COL6A2: variants seen among roughly 807,000 people sequenced by gnomAD.
The protein encoded by COL6A2 is collagen alpha-2(VI) chain.
Under a neutral mutation model 124.9 loss-of-function variants are expected in COL6A2, and 90 were observed. The observed-to-expected ratio is 0.72, with a 90% CI of 0.61 to 0.86. The LOEUF (loss-of-function observed/expected upper bound fraction) is 0.86. Among genes scored for constraint, COL6A2 ranks in the 40% least tolerant of loss-of-function variants. The pLI, the probability that COL6A2 is intolerant of heterozygous loss-of-function variation, is 0.00. For synonymous variants in COL6A2, 793 were observed against 618.2 expected, an observed-to-expected ratio of 1.28 and a Z score of -4.19; for missense variants, 1,607 against 1,502.5, an observed-to-expected ratio of 1.07 and a Z score of -1.15.
chr21:46,124,554 G>A, intron 21 of COL6A2, 97 bp from the exon 22 acceptor site: 2 of 1,129,170 alleles, frequency 1.8e-6, no homozygotes, highest in East Asian at 2.4e-5. Flanking sequence ...CCCCCGCCAA[G>A]GGAGGACCCG....
chr21:46,120,446 G>C lies in COL6A2; in HGVS notation c.1333-69G>C, dbSNP rs960040351. On this transcript the variant is annotated intron_variant, in intron 15 of 27. Transcript: ENST00000300527. ...CCTTCCCCAACCCCCGGCCACACCCGCCTCTCACATGGGACCCAGGCCGGA... is the reference window on the plus strand; with the variant it reads ...CCTTCCCCAACCCCCGGCCACACCCCCCTCTCACATGGGACCCAGGCCGGA... 2.3e-6 allele frequency: 3 copies of C among 1,298,384 alleles called. No individual in the cohort carries two copies. In the East Asian group the frequency reaches 7.7e-5, roughly 33 times the overall value. 80.4% of individuals were successfully genotyped at this position (1,298,384 alleles called of 1,614,324 possible). A position where few individuals can be genotyped will look rare whatever the true frequency, so the allele number is the denominator to read the frequency against.
chr21:46,112,608 G>T, intron 3 of COL6A2, 31 bp downstream of exon 3: 2 of 1,607,144 alleles, frequency 1.2e-6, no homozygotes, highest in South Asian at 2.2e-5. Flanking sequence ...CCGTCCACGC[G>T]CCAGGGGTGG....
chr21:46,098,541 C>G (rs1447781710), intron 1 of COL6A2, among the ~76,000 whole-genome samples: 2 of 151,284 alleles, frequency 1.3e-5, no homozygotes, highest in Non-Finnish European at 3.0e-5. Context: ...CGCCAGGCCC[C>G]GCGTCTGCGA....
At position 46,122,097 on chromosome 21, in the gene COL6A2, T is replaced by C; in HGVS notation, c.1522-11T>C. 6.2e-7 allele frequency: 1 copy of C among 1,612,438 alleles called. No individual in the cohort carries two copies. Among genetic ancestry groups the C allele is most frequent in the Non-Finnish European group, 8.5e-7 (1 of 1,179,870 alleles). On this transcript the variant is annotated splice_polypyrimidine_tract_variant and intron_variant, in intron 18 of 27. Transcript: ENST00000300527. Reference sequence around the variant, plus strand: ...TATGACCATGCTGACCGACTCAACGTCCTCCTCCAGGGAGACCCCGGCAGG... The same window carrying C: ...TATGACCATGCTGACCGACTCAACGCCCTCCTCCAGGGAGACCCCGGCAGG...
At chr21:46,119,923 C>T in intron 15 of COL6A2, 73 bp downstream of exon 15, 1 of 1,320,148 alleles carries the variant, frequency 7.6e-7, no homozygotes, top group Middle Eastern at 1.8e-4. Flanking sequence ...GGGCCCCAAC[C>T]CCATTCCTCC....
At chr21:46,129,276 A>G in intron 27 of COL6A2, 1 of 1,612,862 alleles carries the variant, frequency 6.2e-7, no homozygotes, top group South Asian at 1.1e-5. Flanking sequence ...CCCCAGGACC[A>G]TTCCCCTGAT....
intron 1 of COL6A2, among the ~76,000 whole-genome samples, chr21:46,110,037 G>A (rs536224458): frequency 3.9e-5 from 6 of 152,348 alleles, no homozygotes; most frequent in African/African-American, 1.2e-4. Flanking sequence ...GCTCCTGCTG[G>A]CTCCGTGGAG....
chr21:46,130,666 C>T (rs1433433075), intron 27 of COL6A2, among the ~76,000 whole-genome samples: 1 of 152,168 alleles, frequency 6.6e-6, no homozygotes, highest in East Asian at 1.9e-4. Flanking sequence ...ACAGAGACCC[C>T]CAAAACCAGC....
chr21:46,129,762 A>C, intron 27 of COL6A2: 1 of 1,327,874 alleles, frequency 7.5e-7, no homozygotes, highest in Non-Finnish European at 9.6e-7. Context: ...TTTAAGGCCC[A>C]CCCCAAGTCC....
intron 4 of COL6A2, 50 bp downstream of exon 4, chr21:46,112,874 AGAG>A: frequency 6.2e-7 from 1 of 1,612,444 alleles, no homozygotes. Flanking sequence ...CTGACCCAGC[AGAG>A]ATGACCGCGC....
chr21:46,116,672 C>A lies in COL6A2; in HGVS notation c.949C>A (p.Arg317Ser), dbSNP rs752020585. 4 of 1,612,924 alleles carry A rather than the reference C, an allele frequency of 2.5e-6. No individual in the cohort carries two copies. The highest frequency in any genetic ancestry group is 3.4e-6 in the Non-Finnish European group (4 of 1,180,028). ...GEKGEFGADG[R>S]KGAPGLAGKN... is the part of the protein sequence containing the mutation. ...ACAGGGTGAATTTGGAGCCGACGGT[C>A]GCAAGGTAGGCTGGCTGGGTAGGCA... The change falls in exon 9 of 28, where the codon CGC (arginine) becomes AGC (serine). Residue 317 changes from arginine to serine, a missense_variant. By Grantham distance (110) the Arg-to-Ser change is moderately radical. This residue lies in a region of COL6A2 where 1,223 missense variants were observed against 1,052.2 expected (regional missense o/e 1.16). Coordinates refer to ENST00000300527, the MANE Select transcript of COL6A2 (RefSeq NM_001849.4). The surrounding 1 kb of genome is among the most constrained non-coding windows in gnomAD (Gnocchi z 4.6).
intron 24 of COL6A2, 51 bp from the exon 25 acceptor site, chr21:46,125,414 T>A (rs371161707): frequency 8.1e-6 from 13 of 1,610,384 alleles, no homozygotes; most frequent in African/African-American, 6.7e-5. Context: ...CACGTGACCC[T>A]AGGGTCTGAG....
intron 1 of COL6A2, among the ~76,000 whole-genome samples, chr21:46,110,064 G>A (rs1237206827): frequency 6.6e-6 from 1 of 152,186 alleles, no homozygotes; most frequent in Non-Finnish European, 1.5e-5. Context: ...ACCTGGCCAT[G>A]TCCTCTCGCA....
At chr21:46,098,456 T>TGG (rs34972836) in intron 1 of COL6A2, among the ~76,000 whole-genome samples, 122 of 151,020 alleles carry the variant, frequency 8.1e-4, no homozygotes, top group African/African-American at 1.5e-3. Flanking sequence ...CTGGGCGGGG[T>TGG]GGGGGGGTCC....
At position 46,112,475 on chromosome 21, in the gene COL6A2, C is replaced by T. The variant is rs773143298; in HGVS notation, c.612C>T (p.Ile204=). 2.5e-5 allele frequency: 40 copies of T among 1,610,834 alleles called. No individual in the cohort carries two copies. The highest frequency in any genetic ancestry group is 3.3e-5 in the Admixed American group (2 of 59,962). ...QNLKEQGLRD[I]ASTPHELYRN... ...TGAAGGAGCAGGGCCTGCGGGACAT[C>T]GCCAGCACGCCGCACGAGCTCTACC... Residue 204 remains isoleucine, a synonymous_variant, in exon 3 of 28, where the codon ATC becomes ATT. Transcript: ENST00000300527.
rs768066774 is a variant in COL6A2, at chr21:46,132,350, GCAA to G, written c.2860_2862del (p.Asn954del). 9 of 1,608,552 alleles carry G rather than the reference GCAA, an allele frequency of 5.6e-6. No homozygotes were observed. Among genetic ancestry groups the G allele is most frequent in the Non-Finnish European group, 8.5e-7 (1 of 1,179,566 alleles). On this transcript the variant is annotated inframe_deletion, in exon 28 of 28. Transcript: ENST00000300527. ...GTGTTCCTCACGGACGGCGTCACGG[GCAA>G]CGACAGTCTGCACGAGTCGGCGCAC...
At position 46,132,659 on chromosome 21, in the gene COL6A2, C is replaced by T. The variant is rs757229948; in HGVS notation, c.*107C>T. 4.0e-5 allele frequency: 47 copies of T among 1,164,088 alleles called. No individual in the cohort carries two copies. Among genetic ancestry groups the T allele is most frequent in the Non-Finnish European group, 5.1e-5 (41 of 811,482 alleles). The allele number at this position is 1,164,088 out of a possible 1,614,324, so 72.1% of individuals were successfully genotyped here. A position where few individuals can be genotyped will look rare whatever the true frequency, so the allele number is the denominator to read the frequency against. On this transcript the variant is annotated 3_prime_UTR_variant, in exon 28 of 28. Coordinates refer to ENST00000300527, the MANE Select transcript of COL6A2 (RefSeq NM_001849.4). ...AGCACCGCTGCTCACTCGGACGACG[C>T]CCTGGGCCTGCACCTCTCCAGCTCC...
intron 18 of COL6A2, among the ~76,000 whole-genome samples, chr21:46,121,885 T>TC (rs1403661799): frequency 6.7e-6 from 1 of 149,600 alleles, no homozygotes; most frequent in East Asian, 1.9e-4. Flanking sequence ...CTGAGTAGGG[T>TC]CCTCCCCGCG....
intron 2 of COL6A2, 101 bp from the exon 3 acceptor site, chr21:46,111,878 G>A: frequency 6.3e-6 from 8 of 1,274,174 alleles, no homozygotes; most frequent in Non-Finnish European, 9.0e-6. Flanking sequence ...GGCATTCGGG[G>A]GCAGTGAGGT....
Sources: allele counts gnomAD v4.1 joint callset (sites outside exome capture counted in the v4.1 genomes callset), GRCh38; gene constraint gnomAD v4.1.1; regional missense constraint gnomAD v4.1.1; non-coding constraint Gnocchi (gnomAD v3.1); transcripts MANE v1.5; gene names NCBI Gene and HGNC (gene_info 2026-07-23, HGNC 2026-07-21).